LRRFIP2: variants seen among roughly 807,000 people sequenced by gnomAD.
The protein encoded by LRRFIP2 is LRR binding FLII interacting protein 2.
LRRFIP2 carries 109 observed loss-of-function variants against 125.9 expected under a neutral mutation model. The observed-to-expected ratio is 0.87, with a 90% CI of 0.74 to 1.01. LRRFIP2 has a LOEUF of 1.01. Ranked by LOEUF, LRRFIP2 falls within the 50% of genes least tolerant of loss-of-function variation. The pLI is 0.00. For missense variants in LRRFIP2, 850 were observed against 862.3 expected (o/e 0.99, Z 0.18); for synonymous variants, 291 against 293.1 (o/e 0.99, Z 0.07).
At chr3:37,139,805 C>T (rs774469365) in intron 2 of LRRFIP2, among the ~76,000 whole-genome samples, 8 of 152,136 alleles carry the variant, frequency 5.3e-5, no homozygotes, top group Non-Finnish European at 7.4e-5. Context: ...CTTTAAAAGG[C>T]AAGCAAAAAA....
In LRRFIP2 at chr3:37,111,013, G is replaced by T; in HGVS notation, c.491C>A (p.Pro164His). The change falls in exon 9 of 28, where the codon CCC (proline) becomes CAC (histidine). Residue 164 changes from proline to histidine, a missense_variant. Transcript: ENST00000336686. ...AACCCGAGTGTAGTAGGCAGAGGTGGGTTTGCTATGTCTAAGACTGCTATA... is the reference window on the plus strand; with the variant it reads ...AACCCGAGTGTAGTAGGCAGAGGTGTGTTTGCTATGTCTAAGACTGCTATA... ...RNYSSLRHSKPTSAYYTRQSS... is the reference protein window; with the variant it reads ...RNYSSLRHSKHTSAYYTRQSS... 1 of 1,613,764 alleles carries T rather than the reference G, an allele frequency of 6.2e-7. No homozygotes were observed. Among genetic ancestry groups the T allele is most frequent in the Non-Finnish European group, 8.5e-7 (1 of 1,179,826 alleles).
intron 4 of LRRFIP2, among the ~76,000 whole-genome samples, chr3:37,123,793 A>G (rs925749520): frequency 6.6e-6 from 1 of 152,158 alleles, no homozygotes; most frequent in African/African-American, 2.4e-5. Context: ...CATCTATCAC[A>G]CAGAGCATTT....
At chr3:37,081,747 G>C (rs1274188766) in intron 19 of LRRFIP2, among the ~76,000 whole-genome samples, 1 of 151,924 alleles carries the variant, frequency 6.6e-6, no homozygotes. Context: ...AATTAGCCAG[G>C]CGTGGTGGTA....
intron 4 of LRRFIP2, among the ~76,000 whole-genome samples, chr3:37,126,520 C>T (rs373320389): frequency 2.0e-5 from 3 of 151,686 alleles, no homozygotes; most frequent in South Asian, 2.1e-4. Flanking sequence ...GAAAATCTAG[C>T]GTACTCACTG....
intron 19 of LRRFIP2, among the ~76,000 whole-genome samples, chr3:37,075,647 T>C (rs780931050): frequency 6.6e-6 from 1 of 152,272 alleles, no homozygotes; most frequent in Middle Eastern, 3.4e-3. Context: ...AATTAATCTA[T>C]ACATTTAATG....
In LRRFIP2 at chr3:37,102,924, G is replaced by A. The variant is rs28758697; in HGVS notation, c.873C>T (p.Ser291=). The change falls in exon 15 of 28, where the codon AGC becomes AGT. Residue 291 remains serine (S), a splice_region_variant and synonymous_variant. Transcript: ENST00000336686. ...VDDISIPDLS[S]LDEKSDKQYA... ...CAACCACCCCATGCAATACACTCAC[G>A]CTGGACAAATCTGGGATACTGATAT... is the stretch of plus-strand genomic sequence containing the variant. 20 of 1,554,698 alleles carry A rather than the reference G, an allele frequency of 1.3e-5. No individual in the cohort carries two copies. Among genetic ancestry groups the A allele is most frequent in the Admixed American group, 1.9e-5 (1 of 51,378 alleles).
At chr3:37,141,340 G>A (rs2095694158) in intron 2 of LRRFIP2, among the ~76,000 whole-genome samples, 1 of 152,024 alleles carries the variant, frequency 6.6e-6, no homozygotes, top group African/African-American at 2.4e-5. Context: ...TTCATGATTG[G>A]TCCCTATTTC....
chr3:37,141,716 G>A (rs1281803902), intron 2 of LRRFIP2, among the ~76,000 whole-genome samples: 1 of 152,188 alleles, frequency 6.6e-6, no homozygotes, highest in Non-Finnish European at 1.5e-5. Context: ...TCCCCAGGCA[G>A]GGCCCGGAGT....
intron 4 of LRRFIP2, among the ~76,000 whole-genome samples, chr3:37,126,856 T>C (rs2095293542): frequency 9.2e-6 from 1 of 108,894 alleles, no homozygotes. Flanking sequence ...CGAAACTCCA[T>C]CTCAAAAAAA....
At chr3:37,137,320 A>C (rs1224274041) in intron 2 of LRRFIP2, among the ~76,000 whole-genome samples, 3 of 152,070 alleles carry the variant, frequency 2.0e-5, no homozygotes, top group Non-Finnish European at 4.4e-5. Flanking sequence ...GAAGTACAGA[A>C]GGGTTAAGTA....
In LRRFIP2 at chr3:37,103,068, A is replaced by G. The variant is rs925972586; in HGVS notation, c.784-55T>C. The stretch of plus-strand genomic sequence containing the variant: ...TCAAGGTTAAGAAAAAAGAAAGAAA[A>G]AAATAAGAACATTGGCCAATTAGGG... On this transcript the variant is annotated intron_variant, in intron 14 of 27. Coordinates refer to ENST00000336686, the MANE Select transcript of LRRFIP2 (RefSeq NM_006309.4). The G allele has an allele frequency of 2.6e-5, 36 of 1,396,714 alleles. No individual in the cohort carries two copies. The East Asian group carries it at 8.6e-4, about 33-fold the overall frequency. The allele number at this position is 1,396,714 out of a possible 1,614,324, so 86.5% of individuals were successfully genotyped here.
chr3:37,055,359 T>G (rs1013895365), intron 25 of LRRFIP2, among the ~76,000 whole-genome samples, 194 bp from the exon 26 acceptor site: 12 of 151,952 alleles, frequency 7.9e-5, no homozygotes, highest in Non-Finnish European at 8.8e-5. Flanking sequence ...GGTCAAGAGA[T>G]AGAGGCGACC....
In LRRFIP2 at chr3:37,165,774, A is replaced by G. The variant is rs1577989705; in HGVS notation, c.-56+8765T>C. Among the ~76,000 whole-genome samples, 3 of 150,436 alleles carry G rather than the reference A, an allele frequency of 2.0e-5. No homozygotes were observed. In the East Asian group the frequency reaches 5.9e-4, roughly 30 times the overall value. ...TCTGTCACAAAAAAAAGAAAAGAAA[A>G]GAAAAGAAAAGAGAAAGAAAGAGAA... On this transcript the variant is annotated intron_variant, in intron 1 of 27. Transcript: ENST00000336686.
intron 4 of LRRFIP2, 60 bp from the exon 5 acceptor site, chr3:37,121,751 C>T: frequency 2.0e-6 from 3 of 1,534,424 alleles, no homozygotes; most frequent in African/African-American, 2.7e-5. Context: ...TTTATCAGAA[C>T]AACTGAGCAA....
At chr3:37,174,789 A>T (rs9784346), upstream of LRRFIP2, 1 of 152,252 alleles carries the variant, frequency 6.6e-6, no homozygotes. Flanking sequence ...TAAAATGAGT[A>T]AAGAATGCCA....
chr3:37,172,721 T>C (rs2096602664), intron 1 of LRRFIP2: 1 of 152,206 alleles, frequency 6.6e-6, no homozygotes, highest in African/African-American at 2.4e-5. Context: ...AGTGGAATTA[T>C]CTCTTGACCT....
chr3:37,175,493 T>G (rs1452320740), upstream of LRRFIP2, among the ~76,000 whole-genome samples: 1 of 152,208 alleles, frequency 6.6e-6, no homozygotes, highest in Non-Finnish European at 1.5e-5. Context: ...TAGGTCCTCC[T>G]GCATGCTGCT....
intron 2 of LRRFIP2, among the ~76,000 whole-genome samples, chr3:37,131,991 G>A (rs1228637937): frequency 1.3e-5 from 2 of 152,132 alleles, no homozygotes; most frequent in Non-Finnish European, 2.9e-5. Context: ...TCTACCAACC[G>A]TAAGCTGTAA....
intron 11 of LRRFIP2, 64 bp downstream of exon 11, chr3:37,109,463 T>C (rs943508166): frequency 3.2e-6 from 5 of 1,550,446 alleles, no homozygotes; most frequent in African/African-American, 2.7e-5. Context: ...TGTCAAGCCA[T>C]AGAGTTAGCA....
Sources: allele counts gnomAD v4.1 joint callset (sites outside exome capture counted in the v4.1 genomes callset), GRCh38; gene constraint gnomAD v4.1.1; transcripts MANE v1.5; gene names NCBI Gene and HGNC (gene_info 2026-07-23, HGNC 2026-07-21).